Variants in CAST observed in about 807,000 individuals in gnomAD.
CAST encodes MIR583 host.
In CAST, 76 loss-of-function variants were observed where a neutral mutation model predicts 119.6. The ratio of observed to expected loss-of-function variants is 0.64; its 90% CI spans 0.53 to 0.77. The LOEUF (loss-of-function observed/expected upper bound fraction) is 0.77. Among genes scored for constraint, CAST ranks in the 30% least tolerant of loss-of-function variants. CAST has a pLI of 0.00. For missense variants in CAST, 953 were observed against 946.5 expected (o/e 1.01, Z -0.09); for synonymous variants, 319 against 331.6 (o/e 0.96, Z 0.41).
the CAST span, among the ~76,000 whole-genome samples, chr5:96,435,050 C>T: frequency 6.6e-6 from 1 of 152,186 alleles, no homozygotes; most frequent in African/African-American, 2.4e-5. Flanking sequence ...CTTCACACCT[C>T]GGCCTGAGTT....
At chr5:96,709,369 C>T (rs1169224632) in intron 3 of CAST, among the ~76,000 whole-genome samples, 4 of 152,222 alleles carry the variant, frequency 2.6e-5, no homozygotes, top group Admixed American at 6.5e-5. Context: ...ATATCTGTTT[C>T]TGATATCCCC....
chr5:96,742,810 C>CG, intron 16 of CAST, 54 bp downstream of exon 16: 1 of 1,164,514 alleles, frequency 8.6e-7, no homozygotes, highest in South Asian at 1.3e-5. Flanking sequence ...ATTACAAAAC[C>CG]GAATGCACTC....
intron 1 of CAST, among the ~76,000 whole-genome samples, chr5:96,535,297 C>T (rs1005832044): frequency 3.3e-5 from 5 of 151,818 alleles, no homozygotes; most frequent in East Asian, 1.9e-4. Flanking sequence ...ATTGGCACAG[C>T]GAATACTGAA....
chr5:96,147,376 G>A, the CAST span, among the ~76,000 whole-genome samples: 422 of 152,182 alleles, frequency 2.8e-3, 1 homozygote, highest in Non-Finnish European at 3.8e-3. Flanking sequence ...AGGCCGAGGC[G>A]GGCGGATCAC....
At chr5:96,100,384 A>G in the CAST span, among the ~76,000 whole-genome samples, 2 of 151,982 alleles carry the variant, frequency 1.3e-5, no homozygotes, top group Non-Finnish European at 2.9e-5. Context: ...CCAGTTTTTC[A>G]CTGGATCTGT....
chr5:96,257,306 T>C, the CAST span, among the ~76,000 whole-genome samples: 3 of 152,202 alleles, frequency 2.0e-5, no homozygotes, highest in Non-Finnish European at 4.4e-5. Context: ...TGTGCATGTG[T>C]AGAGGGATCT....
chr5:96,121,913 A>G, the CAST span, among the ~76,000 whole-genome samples: 2 of 152,166 alleles, frequency 1.3e-5, no homozygotes, highest in Non-Finnish European at 2.9e-5. Flanking sequence ...TATTGTGACA[A>G]AAAAACAAAT....
At chr5:96,675,818 C>T (rs1580922990) in intron 2 of CAST, 1 of 444,180 alleles carries the variant, frequency 2.3e-6, no homozygotes, top group South Asian at 4.8e-5. Context: ...AATACTTTCC[C>T]TTTAGTAATA....
At chr5:96,008,105 G>A in the CAST span, among the ~76,000 whole-genome samples, 1 of 152,150 alleles carries the variant, frequency 6.6e-6, no homozygotes, top group East Asian at 1.9e-4. Context: ...CTCTAAAACT[G>A]TAAGAAATAA....
chr5:96,178,716 G>A, the CAST span, among the ~76,000 whole-genome samples: 1 of 152,164 alleles, frequency 6.6e-6, no homozygotes, highest in African/African-American at 2.4e-5. Context: ...TGAAGGGGAG[G>A]TTTTTATCTT....
chr5:96,078,468 A>G, the CAST span, among the ~76,000 whole-genome samples: 1 of 151,406 alleles, frequency 6.6e-6, no homozygotes, highest in Admixed American at 6.6e-5. Flanking sequence ...ATCTCAGCTC[A>G]CTGCAACCTC....
chr5:96,580,096 A>G (rs966329201), intron 1 of CAST, among the ~76,000 whole-genome samples: 1 of 152,202 alleles, frequency 6.6e-6, no homozygotes, highest in African/African-American at 2.4e-5. Context: ...CTCTTTTCCC[A>G]TAAGGCTAGT....
At chr5:96,104,334 C>T in the CAST span, among the ~76,000 whole-genome samples, 1 of 152,276 alleles carries the variant, frequency 6.6e-6, no homozygotes, top group African/African-American at 2.4e-5. Flanking sequence ...AATGGTAATG[C>T]CTAGGTTTTC....
chr5:96,061,676 T>C, the CAST span, among the ~76,000 whole-genome samples: 1 of 151,932 alleles, frequency 6.6e-6, no homozygotes, highest in Non-Finnish European at 1.5e-5. Flanking sequence ...TGCGTGTGTG[T>C]GTGTAAAGAG....
At chr5:96,591,215 A>G (rs1276358635) in intron 1 of CAST, among the ~76,000 whole-genome samples, 2 of 152,268 alleles carry the variant, frequency 1.3e-5, no homozygotes, top group African/African-American at 4.8e-5. Context: ...AATAACCGAA[A>G]GAGTCAGAAT....
At chr5:96,602,020 G>A (rs904782711) in intron 1 of CAST, among the ~76,000 whole-genome samples, 2 of 152,288 alleles carry the variant, frequency 1.3e-5, no homozygotes, top group African/African-American at 2.4e-5. Flanking sequence ...ACTCTCTTGA[G>A]TGGCAGGCAG....
At chr5:96,680,531 T>A (rs1751283626) in intron 2 of CAST, among the ~76,000 whole-genome samples, 1 of 151,996 alleles carries the variant, frequency 6.6e-6, no homozygotes. Flanking sequence ...ATATCTTGAT[T>A]TTTAAGCAGA....
intron 1 of CAST, among the ~76,000 whole-genome samples, chr5:96,649,063 G>T (rs553174199): frequency 3.3e-5 from 5 of 152,258 alleles, no homozygotes; most frequent in African/African-American, 1.2e-4. Flanking sequence ...TTTTAAAAAT[G>T]TTAGCTCAAA....
chr5:96,270,479 A>G, the CAST span, among the ~76,000 whole-genome samples: 201 of 152,300 alleles, frequency 1.3e-3, 1 homozygote, highest in Non-Finnish European at 2.4e-3. Flanking sequence ...ACATGATGTT[A>G]TACTTAGAAA....
Sources: allele counts gnomAD v4.1 joint callset (sites outside exome capture counted in the v4.1 genomes callset), GRCh38; gene constraint gnomAD v4.1.1; transcripts MANE v1.5; gene names NCBI Gene and HGNC (gene_info 2026-07-23, HGNC 2026-07-21).